The following PTPRO variants were observed in gnomAD, a reference collection of about 807,000 sequenced individuals.
PTPRO encodes receptor-type tyrosine-protein phosphatase O.
In PTPRO, 62 loss-of-function variants were observed where a neutral mutation model predicts 145.2. The ratio of observed to expected loss-of-function variants is 0.43; its 90% CI spans 0.35 to 0.53. The LOEUF (loss-of-function observed/expected upper bound fraction) is 0.53. Among genes scored for constraint, PTPRO ranks in the 20% least tolerant of loss-of-function variants. The pLI, the probability that PTPRO is intolerant of heterozygous loss-of-function variation, is 0.01. For missense variants in PTPRO, 1,345 were observed against 1,482.7 expected, an observed-to-expected ratio of 0.91 and a Z score of 1.53; for synonymous variants, 565 against 514.7, an observed-to-expected ratio of 1.10 and a Z score of -1.32.
Position 15,524,976 on chromosome 12 carries a change from T to C in PTPRO, c.2043+11T>C, listed in dbSNP as rs754758432. The C allele has an allele frequency of 3.1e-6, 5 of 1,613,388 alleles. No homozygotes were observed. The African/African-American group carries it at 6.7e-5, about 22-fold the overall frequency. On this transcript the variant is annotated intron_variant, in intron 11 of 26. Transcript: ENST00000281171. ...AAAATTAAAAAGAGTGTATGTTTCT[T>C]TGAATGCCAGCATTGTGTGTCTGTA... is the stretch of plus-strand genomic sequence containing the variant.
intron 1 of PTPRO, chr12:15,439,536 G>T: frequency 8.2e-6 from 2 of 243,606 alleles, no homozygotes; most frequent in South Asian, 1.0e-4. Context: ...AATAGCAGAT[G>T]ACGCTGGTGG....
intron 1 of PTPRO, among the ~76,000 whole-genome samples, chr12:15,376,467 A>G (rs1938690051): frequency 1.3e-5 from 2 of 152,234 alleles, no homozygotes; most frequent in South Asian, 4.1e-4. Flanking sequence ...AGATTTTCAA[A>G]CTGAAATGAA....
At chr12:15,588,444 A>T (rs1944475276) in intron 24 of PTPRO, among the ~76,000 whole-genome samples, 1 of 152,182 alleles carries the variant, frequency 6.6e-6, no homozygotes. Context: ...CAACACATAG[A>T]ACTAGGGACT....
At chr12:15,411,613 A>G (rs1444470186) in intron 1 of PTPRO, among the ~76,000 whole-genome samples, 1 of 152,198 alleles carries the variant, frequency 6.6e-6, no homozygotes, top group Non-Finnish European at 1.5e-5. Flanking sequence ...ACCACTCCAA[A>G]GCTTTACCAT....
At chr12:15,546,482 T>G (rs1943291517) in intron 12 of PTPRO, 87 bp from the exon 13 acceptor site, 15 of 1,540,656 alleles carry the variant, frequency 9.7e-6, no homozygotes, top group Non-Finnish European at 1.3e-5. Context: ...ATATTTGAAT[T>G]GGGGGATGCT....
At chr12:15,354,868 G>T (rs1185904365) in intron 1 of PTPRO, among the ~76,000 whole-genome samples, 1 of 152,112 alleles carries the variant, frequency 6.6e-6, no homozygotes, top group South Asian at 2.1e-4. Flanking sequence ...TAACCACTAA[G>T]TAAATGTCAG....
At chr12:15,375,421 G>T (rs542078319) in intron 1 of PTPRO, among the ~76,000 whole-genome samples, 15 of 152,214 alleles carry the variant, frequency 9.9e-5, no homozygotes, top group Non-Finnish European at 1.9e-4. Flanking sequence ...AGAATTAAAG[G>T]ACAGTATGAC....
At chr12:15,495,239 T>C (rs1433167401) in intron 2 of PTPRO, among the ~76,000 whole-genome samples, 2 of 151,734 alleles carry the variant, frequency 1.3e-5, no homozygotes. Context: ...CTAACTTTTT[T>C]GTAGATGCTG....
At chr12:15,416,731 T>C (rs1428265173) in intron 1 of PTPRO, among the ~76,000 whole-genome samples, 1 of 151,106 alleles carries the variant, frequency 6.6e-6, no homozygotes, top group Non-Finnish European at 1.5e-5. Context: ...CTTTTTTTTT[T>C]TTTTTCCCCA....
intron 10 of PTPRO, among the ~76,000 whole-genome samples, chr12:15,524,114 A>T (rs986179069): frequency 6.7e-6 from 1 of 150,346 alleles, no homozygotes; most frequent in Admixed American, 6.6e-5. Context: ...AATGCATAAG[A>T]TGATAAAGTA....
Position 15,434,144 on chromosome 12 carries a change from T to A in PTPRO, c.76-49830T>A, listed in dbSNP as rs189701263. ...GTAAAATGCCCTTTGCAGAGTTATA[T>A]CCCATATTTCTAGAAATAAATTCTA... On this transcript the variant is annotated intron_variant, in intron 1 of 26. Transcript: ENST00000281171. Among the ~76,000 whole-genome samples, 96 of 152,340 alleles carry A rather than the reference T, an allele frequency of 6.3e-4. 1 individual carries two copies. Among genetic ancestry groups the A allele is most frequent in the Non-Finnish European group, 4.3e-4 (29 of 68,034 alleles).
At chr12:15,475,052 C>T (rs1326738216) in intron 1 of PTPRO, among the ~76,000 whole-genome samples, 1 of 152,156 alleles carries the variant, frequency 6.6e-6, no homozygotes, top group African/African-American at 2.4e-5. Flanking sequence ...CCAAAGCTGT[C>T]GTTAGCATTT....
At chr12:15,559,746 T>G (rs1943724983) in intron 16 of PTPRO, among the ~76,000 whole-genome samples, 1 of 152,186 alleles carries the variant, frequency 6.6e-6, no homozygotes, top group African/African-American at 2.4e-5. Flanking sequence ...AATCAGTATA[T>G]GTAAACTGAC....
chr12:15,540,334 AT>A (rs1366967695), intron 12 of PTPRO, among the ~76,000 whole-genome samples: 1 of 152,262 alleles, frequency 6.6e-6, no homozygotes, highest in African/African-American at 2.4e-5. Context: ...AGATGTTAAC[AT>A]TTATGCTTTG....
intron 1 of PTPRO, among the ~76,000 whole-genome samples, chr12:15,482,910 C>G (rs546442480): frequency 2.6e-4 from 39 of 152,228 alleles, no homozygotes; most frequent in African/African-American, 9.4e-4. Context: ...GTGACTTAAT[C>G]TTTCTGAGCC....
At chr12:15,438,726 T>G (rs954868277) in intron 1 of PTPRO, among the ~76,000 whole-genome samples, 2 of 152,114 alleles carry the variant, frequency 1.3e-5, no homozygotes, top group African/African-American at 4.8e-5. Flanking sequence ...ACTAAATGTA[T>G]GAATTATTGG....
intron 1 of PTPRO, among the ~76,000 whole-genome samples, chr12:15,423,014 A>G (rs949156746): frequency 6.6e-6 from 1 of 152,240 alleles, no homozygotes; most frequent in African/African-American, 2.4e-5. Context: ...AAGGGAATTT[A>G]TGTGTTTGTT....
chr12:15,468,596 C>T (rs562031265), intron 1 of PTPRO, among the ~76,000 whole-genome samples: 1 of 152,268 alleles, frequency 6.6e-6, no homozygotes, highest in Non-Finnish European at 1.5e-5. Context: ...CTAGGAGCTC[C>T]TTGATCATCA....
At chr12:15,569,620 G>A (rs1326024866) in intron 19 of PTPRO, 122 bp downstream of exon 19, 7 of 882,992 alleles carry the variant, frequency 7.9e-6, no homozygotes, top group Non-Finnish European at 1.3e-5. Flanking sequence ...TTGGCCTGGG[G>A]ATTGCTGATC....
Sources: allele counts gnomAD v4.1 joint callset (sites outside exome capture counted in the v4.1 genomes callset), GRCh38; gene constraint gnomAD v4.1.1; transcripts MANE v1.5; gene names NCBI Gene and HGNC (gene_info 2026-07-23, HGNC 2026-07-21).